Variants in PCOLCE observed in about 807,000 individuals in gnomAD.
PCOLCE encodes the protein procollagen C-endopeptidase enhancer 1.
Under a neutral mutation model 47.2 loss-of-function variants are expected in PCOLCE, and 33 were observed. That is an observed-to-expected ratio of 0.70 (90% confidence interval 0.53 to 0.93). The LOEUF (loss-of-function observed/expected upper bound fraction) is 0.93. Among genes scored for constraint, PCOLCE ranks in the 40% least tolerant of loss-of-function variants. PCOLCE has a pLI of 0.00. For synonymous variants in PCOLCE, 254 were observed against 252.5 expected (o/e 1.01, Z -0.06); for missense variants, 584 against 585.3 (o/e 1.00, Z 0.02).
chr7:100,604,109 C>A lies in PCOLCE; in HGVS notation c.355C>A (p.Pro119Thr). 1 of 1,611,446 alleles carries A rather than the reference C, an allele frequency of 6.2e-7. No homozygotes were observed. Among genetic ancestry groups the A allele is most frequent in the East Asian group, 2.2e-5 (1 of 44,866 alleles). ...GRFCGTFRPA[P>T]LVAPGNQVTL... ...CTTTTGTGGGACCTTCCGGCCTGCGCCCCTAGTCGCCCCCGGCAACCAGGT... is the reference window on the plus strand; with the variant it reads ...CTTTTGTGGGACCTTCCGGCCTGCGACCCTAGTCGCCCCCGGCAACCAGGT... The change falls in exon 3 of 9, where the codon CCC (proline) becomes ACC (threonine). Residue 119 changes from proline (P) to threonine (T), a missense_variant. Transcript: ENST00000223061. This position sits in a 1 kb window ranked among gnomAD's most constrained non-coding sequence, Gnocchi z 6.4.
chr7:100,606,960 A>G (rs1802727274), intron 6 of PCOLCE, among the ~76,000 whole-genome samples: 1 of 151,778 alleles, frequency 6.6e-6, no homozygotes, highest in Non-Finnish European at 1.5e-5. Context: ...GTGTGGTGGT[A>G]CACACCTGTA....
Position 100,604,077 on chromosome 7 carries a change from T to C in PCOLCE, c.323T>C (p.Leu108Pro). ...GGGTCTGGGACTTCCGGCCAGCGGC[T>C]CGGACGCTTTTGTGGGACCTTCCGG... ...FAGSGTSGQRLGRFCGTFRPA... is the reference protein window; with the variant it reads ...FAGSGTSGQRPGRFCGTFRPA... The change falls in exon 3 of 9, where the codon CTC becomes CCC. Residue 108 changes from leucine to proline, a missense_variant. Coordinates refer to ENST00000223061, the MANE Select transcript of PCOLCE (RefSeq NM_002593.4). This position sits in a 1 kb window ranked among gnomAD's most constrained non-coding sequence, Gnocchi z 6.4. 1 of 1,609,610 alleles carries C rather than the reference T, an allele frequency of 6.2e-7. No homozygotes were observed. Among genetic ancestry groups the C allele is most frequent in the East Asian group, 2.2e-5 (1 of 44,864 alleles).
chr7:100,607,283 T>C (rs1487723581), intron 6 of PCOLCE, among the ~76,000 whole-genome samples, 169 bp from the exon 7 acceptor site: 1 of 152,048 alleles, frequency 6.6e-6, no homozygotes, highest in African/African-American at 2.4e-5. Context: ...ATTCACTCAT[T>C]GATTCATCTG....
At chr7:100,603,563 C>T (rs750324711) in intron 2 of PCOLCE, 25 bp downstream of exon 2, 2 of 1,296,788 alleles carry the variant, frequency 1.5e-6, no homozygotes, top group Non-Finnish European at 2.2e-6. Flanking sequence ...TGGGCACTAC[C>T]CCTTGTTAAA....
intron 1 of PCOLCE, 36 bp downstream of exon 1, chr7:100,602,587 A>G: frequency 7.6e-7 from 1 of 1,321,772 alleles, no homozygotes; most frequent in Non-Finnish European, 1.1e-6. Flanking sequence ...AGCTCCAGTG[A>G]ACTTCAGACC....
intron 2 of PCOLCE, 69 bp from the exon 3 acceptor site, chr7:100,603,890 G>C: frequency 6.5e-7 from 1 of 1,547,758 alleles, no homozygotes; most frequent in Non-Finnish European, 8.7e-7. Context: ...TTGGGGCAGG[G>C]GAGCTGCCCT....
At chr7:100,603,377 C>G in intron 1 of PCOLCE, 53 bp from the exon 2 acceptor site, 1 of 880,086 alleles carries the variant, frequency 1.1e-6, no homozygotes, top group Admixed American at 2.3e-5. Flanking sequence ...CTTGCCAGTG[C>G]TCCCCCGTCC....
intron 2 of PCOLCE, 125 bp from the exon 3 acceptor site, chr7:100,603,834 T>G: frequency 9.0e-7 from 1 of 1,116,578 alleles, no homozygotes; most frequent in East Asian, 2.4e-5. Context: ...TGCTCTGCAC[T>G]CACATGGAGG....
Position 100,605,421 on chromosome 7 carries a change from G to A in PCOLCE, c.588+206G>A, listed in dbSNP as rs1802696473. ...CAAGTCTCAGGAGAGCGAGGTACAG[G>A]GTCCTGGTATAACACGCGGGCCTGT... is the stretch of plus-strand genomic sequence containing the variant. On this transcript the variant is annotated intron_variant, in intron 4 of 8. Coordinates refer to ENST00000223061, the MANE Select transcript of PCOLCE (RefSeq NM_002593.4). This position sits in a 1 kb window ranked among gnomAD's most constrained non-coding sequence, Gnocchi z 6.1. 7.5e-6 allele frequency: 5 copies of A among 664,080 alleles called. No homozygotes were observed. The South Asian group carries it at 9.8e-5, about 13-fold the overall frequency. The allele number at this position is 664,080 out of a possible 1,614,324, so 41.1% of individuals were successfully genotyped here. A position where few individuals can be genotyped will look rare whatever the true frequency, so the allele number is the denominator to read the frequency against.
rs552368182 is a variant in PCOLCE, at chr7:100,604,326, G to A, written c.463+109G>A. On this transcript the variant is annotated intron_variant, in intron 3 of 8. Coordinates refer to ENST00000223061, the MANE Select transcript of PCOLCE (RefSeq NM_002593.4). This position sits in a 1 kb window ranked among gnomAD's most constrained non-coding sequence, Gnocchi z 6.4. ...GCCCACCCCGCGCCCCAGTGCCTAGGGCCCCCTACCTCCCTGACCCATTTT... is the reference window on the plus strand; with the variant it reads ...GCCCACCCCGCGCCCCAGTGCCTAGAGCCCCCTACCTCCCTGACCCATTTT... 4.9e-6 allele frequency: 5 copies of A among 1,011,802 alleles called. No homozygotes were observed. Among genetic ancestry groups the A allele is most frequent in the Middle Eastern group, 2.8e-4 (1 of 3,510 alleles). 62.7% of individuals were successfully genotyped at this position (1,011,802 alleles called of 1,614,324 possible).
At position 100,605,215 on chromosome 7, in the gene PCOLCE, G is replaced by A; in HGVS notation, c.588G>A (p.Gln196=). The A allele has an allele frequency of 1.9e-6, 3 of 1,610,908 alleles. No homozygotes were observed. Among genetic ancestry groups the A allele is most frequent in the Non-Finnish European group, 2.5e-6 (3 of 1,178,296 alleles). The change falls in exon 4 of 9, where the codon CAG becomes CAA. Residue 196 remains glutamine, a splice_region_variant and synonymous_variant. Coordinates refer to ENST00000223061, the MANE Select transcript of PCOLCE (RefSeq NM_002593.4). The surrounding 1 kb of genome is among the most constrained non-coding windows in gnomAD (Gnocchi z 6.1). The stretch of plus-strand genomic sequence containing the variant: ...GGCACATCATCGCGCCCCCGGACCA[G>A]GTACCGACCCTCCTCCCCGGGCTGC... ...CSWHIIAPPD[Q]VIALTFEKFD...
intron 2 of PCOLCE, 26 bp from the exon 3 acceptor site, chr7:100,603,933 G>A: frequency 6.3e-7 from 1 of 1,595,844 alleles, no homozygotes; most frequent in South Asian, 1.1e-5. Flanking sequence ...GACTCTGTGG[G>A]TCCCCGCCTC....
intron 1 of PCOLCE, 50 bp downstream of exon 1, chr7:100,602,601 G>A (rs761993204): frequency 2.5e-6 from 3 of 1,185,484 alleles, no homozygotes; most frequent in South Asian, 2.4e-5. Flanking sequence ...TCAGACCCCC[G>A]ATTCCTTTGG....
chr7:100,603,963 C>T lies in PCOLCE; in HGVS notation c.209C>T (p.Pro70Leu), dbSNP rs749892934. ...NKECIWTITV[P>L]EGQTVSLSFR... Reference sequence around the variant, plus strand: ...CGCCTCTGTCCCCGCTATCAGGTCCCCGAGGGCCAGACTGTGTCCCTCTCA... The same window carrying T: ...CGCCTCTGTCCCCGCTATCAGGTCCTCGAGGGCCAGACTGTGTCCCTCTCA... Residue 70 changes from proline to leucine, a missense_variant, in exon 3 of 9, where the codon CCC (proline) becomes CTC (leucine). Pro to Leu is a moderately conservative substitution (Grantham distance 98, BLOSUM62 -3). Transcript: ENST00000223061. 5 of 1,601,004 alleles carry T rather than the reference C, an allele frequency of 3.1e-6. No individual in the cohort carries two copies. Among genetic ancestry groups the T allele is most frequent in the Non-Finnish European group, 4.2e-6 (5 of 1,179,710 alleles).
Position 100,604,527 on chromosome 7 carries a change from GC to G in PCOLCE, c.463+311del. On this transcript the variant is annotated intron_variant, in intron 3 of 8. Coordinates refer to ENST00000223061, the MANE Select transcript of PCOLCE (RefSeq NM_002593.4). The surrounding 1 kb of genome is among the most constrained non-coding windows in gnomAD (Gnocchi z 6.4). ...GGTGAGTAACTGCCGGCCCCCGTCCGCAATCGGGCTCCCTCCGTCGGGCGCG... is the reference window on the plus strand; with the variant it reads ...GGTGAGTAACTGCCGGCCCCCGTCCGAATCGGGCTCCCTCCGTCGGGCGCG... The G allele has an allele frequency of 2.1e-6, 1 of 481,534 alleles. No individual in the cohort carries two copies. The highest frequency in any genetic ancestry group is 3.8e-4 in the Middle Eastern group (1 of 2,662). The allele number at this position is 481,534 out of a possible 1,614,324, so 29.8% of individuals were successfully genotyped here.
intron 1 of PCOLCE, chr7:100,602,800 T>C: frequency 1.8e-6 from 1 of 550,106 alleles, no homozygotes; most frequent in Non-Finnish European, 3.2e-6. Context: ...CCCACCCAGA[T>C]CCTTGACCCC....
chr7:100,605,813 G>A lies in PCOLCE; in HGVS notation c.725+1G>A. 6.4e-7 allele frequency: 1 copy of A among 1,551,798 alleles called. No individual in the cohort carries two copies. The highest frequency in any genetic ancestry group is 8.7e-7 in the Non-Finnish European group (1 of 1,147,374). On this transcript the variant is annotated splice_donor_variant, in intron 5 of 8. Transcript: ENST00000223061. LOFTEE classifies it high-confidence loss of function. This position sits in a 1 kb window ranked among gnomAD's most constrained non-coding sequence, Gnocchi z 6.1. ...AGTTCTGCGGCGACGCAGTCCCGGG[G>A]TGAGGGGCGGGACCTGGGCGAGTCC...
chr7:100,603,126 C>T (rs1424787682), intron 1 of PCOLCE: 1 of 293,418 alleles, frequency 3.4e-6, no homozygotes, highest in Non-Finnish European at 6.1e-6. Context: ...CAGAGTGAGG[C>T]GGGAGTCTGG....
rs760254816 is a variant in PCOLCE at position 100,603,533 on chromosome 7, A to G, written c.199A>G (p.Ile67Val). 6.4e-6 allele frequency: 10 copies of G among 1,567,180 alleles called. No homozygotes were observed. The highest frequency in any genetic ancestry group is 5.6e-5 in the South Asian group (5 of 88,976). ...CCCTAATAAGGAGTGCATCTGGACCATAACGGTGAGAAACCCCTCTGGGCA... is the reference window on the plus strand; with the variant it reads ...CCCTAATAAGGAGTGCATCTGGACCGTAACGGTGAGAAACCCCTCTGGGCA... ...YPPNKECIWT[I>V]TVPEGQTVSL... is the part of the protein sequence containing the mutation. Residue 67 changes from isoleucine to valine, a missense_variant, in exon 2 of 9, where the codon ATA becomes GTA. Physicochemically the swap from Ile to Val is conservative, Grantham distance 29. Transcript: ENST00000223061.
Sources: gnomAD v4.1 joint callset for allele counts (sites outside exome capture counted in the v4.1 genomes callset) on GRCh38, gnomAD v4.1.1 for gene constraint, Gnocchi (gnomAD v3.1) non-coding constraint, MANE v1.5 for transcripts, NCBI Gene and HGNC (gene_info 2026-07-23, HGNC 2026-07-21) for gene names.